Variants in MDGA2 observed in about 807,000 individuals in gnomAD.
MDGA2 encodes MAM domain containing glycosylphosphatidylinositol anchor 2.
A neutral mutation model predicts 117.8 loss-of-function variants in MDGA2; 40 were observed. The observed-to-expected ratio is 0.34, with a 90% confidence interval of 0.26 to 0.44. MDGA2 has a LOEUF of 0.44. Ranked by LOEUF, MDGA2 falls within the 20% of genes least tolerant of loss-of-function variation. The probability of loss-of-function intolerance (pLI) is 1.00; values close to 1 mark genes in which losing one functional copy is unlikely to be tolerated. For synonymous variants in MDGA2, 452 were observed against 439.0 expected (o/e 1.03, Z -0.37); for missense variants, 1,123 against 1,250.6 (o/e 0.90, Z 1.54).
chr14:46,982,151 T>G (rs1423664175), intron 8 of MDGA2, among the ~76,000 whole-genome samples: 1 of 152,144 alleles, frequency 6.6e-6, no homozygotes, highest in Non-Finnish European at 1.5e-5. Context: ...TTTTCCTCAG[T>G]GTTTCAGCTA....
At chr14:46,938,811 C>T (rs1220191401) in intron 9 of MDGA2, among the ~76,000 whole-genome samples, 4 of 152,032 alleles carry the variant, frequency 2.6e-5, no homozygotes, top group South Asian at 4.1e-4. Flanking sequence ...TACTTACACT[C>T]GCATATTTAT....
Position 47,313,280 on chromosome 14 carries a change from C to T in MDGA2, c.281-11730G>A, listed in dbSNP as rs940636612. On this transcript the variant is annotated intron_variant, in intron 1 of 16. Coordinates refer to ENST00000399232, the MANE Select transcript of MDGA2 (RefSeq NM_001113498.3). ...CAAAATGTACTTTCTTTTTATTTTA[C>T]TTTTTAAAATAAGGTAAGGTCTGGC... Among the ~76,000 whole-genome samples the T allele has an allele frequency of 2.0e-5, 3 of 151,980 alleles. No homozygotes were observed. In the East Asian group the frequency reaches 5.8e-4, roughly 30 times the overall value.
intron 8 of MDGA2, among the ~76,000 whole-genome samples, chr14:47,026,845 C>T (rs1348422670): frequency 6.6e-6 from 1 of 151,786 alleles, no homozygotes; most frequent in East Asian, 1.9e-4. Flanking sequence ...AGAAAAAAGC[C>T]CCCAGGAACA....
At chr14:47,031,229 T>TAC (rs35380035) in intron 8 of MDGA2, among the ~76,000 whole-genome samples, 23 of 148,686 alleles carry the variant, frequency 1.5e-4, no homozygotes, top group South Asian at 6.4e-4. Context: ...TATATATATA[T>TAC]ACACACACAC....
chr14:47,515,443 C>CT (rs780826340), intron 1 of MDGA2, among the ~76,000 whole-genome samples: 14 of 152,162 alleles, frequency 9.2e-5, no homozygotes, highest in Non-Finnish European at 4.4e-5. Flanking sequence ...AGAATGTCTG[C>CT]TATCTTTGTA....
chr14:47,599,613 A>C (rs1339806078), intron 1 of MDGA2, among the ~76,000 whole-genome samples: 1 of 152,166 alleles, frequency 6.6e-6, no homozygotes, highest in African/African-American at 2.4e-5. Context: ...TTTCCTGCAT[A>C]CATTTTGCGA....
intron 1 of MDGA2, among the ~76,000 whole-genome samples, chr14:47,464,464 T>C (rs1893558458): frequency 6.6e-6 from 1 of 152,060 alleles, no homozygotes; most frequent in African/African-American, 2.4e-5. Context: ...AAAAGCTCCT[T>C]TGGCTGAAAA....
At chr14:47,203,355 T>C (rs1885577258) in intron 3 of MDGA2, among the ~76,000 whole-genome samples, 1 of 151,822 alleles carries the variant, frequency 6.6e-6, no homozygotes. Context: ...GAAAGAGATT[T>C]GTTTTGTGGT....
At chr14:47,238,099 GTC>G (rs1886923682) in intron 2 of MDGA2, among the ~76,000 whole-genome samples, 1 of 152,108 alleles carries the variant, frequency 6.6e-6, no homozygotes, top group Admixed American at 6.6e-5. Flanking sequence ...ACTCTTTGCT[GTC>G]TCTCTTCTTT....
At chr14:47,389,739 A>AG (rs1190645491) in intron 1 of MDGA2, among the ~76,000 whole-genome samples, 1 of 152,060 alleles carries the variant, frequency 6.6e-6, no homozygotes, top group South Asian at 2.1e-4. Context: ...GGGTGAAAAA[A>AG]GGGGGGAGGG....
At chr14:47,051,454 C>G (rs1889454614) in intron 7 of MDGA2, among the ~76,000 whole-genome samples, 1 of 151,872 alleles carries the variant, frequency 6.6e-6, no homozygotes. Flanking sequence ...AAATTTTTCT[C>G]ATCCCTTTTC....
At chr14:47,118,895 G>A (rs1881474308) in intron 5 of MDGA2, among the ~76,000 whole-genome samples, 1 of 151,834 alleles carries the variant, frequency 6.6e-6, no homozygotes, top group Admixed American at 6.6e-5. Context: ...CACCATACCT[G>A]GATAATATTT....
Position 47,534,508 on chromosome 14 carries a change from T to C in MDGA2, c.280+140009A>G, listed in dbSNP as rs145341931. 1.6e-3 allele frequency among the ~76,000 whole-genome samples: 247 copies of C among 152,256 alleles called. 1 individual carries two copies. The highest frequency in any genetic ancestry group is 2.8e-3 in the Non-Finnish European group (193 of 68,014). On this transcript the variant is annotated intron_variant, in intron 1 of 16. Transcript: ENST00000399232. ...GAAGGGGAAGCAGGCATGTCTTACATAGCAGCAAGTGAGAGAGAGCCAGGA... is the reference window on the plus strand; with the variant it reads ...GAAGGGGAAGCAGGCATGTCTTACACAGCAGCAAGTGAGAGAGAGCCAGGA...
At chr14:47,008,334 A>G (rs1413185338) in intron 8 of MDGA2, among the ~76,000 whole-genome samples, 1 of 151,912 alleles carries the variant, frequency 6.6e-6, no homozygotes, top group African/African-American at 2.4e-5. Flanking sequence ...GTGTTGGCAG[A>G]ACAAGCCAAT....
intron 1 of MDGA2, among the ~76,000 whole-genome samples, chr14:47,345,005 G>A (rs924840497): frequency 3.9e-5 from 6 of 151,926 alleles, no homozygotes; most frequent in Non-Finnish European, 5.9e-5. Flanking sequence ...CATATTTGAT[G>A]TTAATATTTC....
At chr14:47,066,039 T>C (rs1322602049) in intron 6 of MDGA2, among the ~76,000 whole-genome samples, 1 of 152,186 alleles carries the variant, frequency 6.6e-6, no homozygotes, top group African/African-American at 2.4e-5. Context: ...GATGAAGTAT[T>C]TTCCTGACCC....
chr14:47,631,691 T>G (rs1027773414), intron 1 of MDGA2, among the ~76,000 whole-genome samples: 2 of 152,166 alleles, frequency 1.3e-5, no homozygotes. Flanking sequence ...AATTGTTTAT[T>G]TTCATTGCTG....
At chr14:47,278,445 T>A (rs1423286093) in intron 2 of MDGA2, among the ~76,000 whole-genome samples, 5 of 152,034 alleles carry the variant, frequency 3.3e-5, no homozygotes, top group Admixed American at 6.6e-5. Context: ...CTAGAGGTCC[T>A]CTGTGTTTTC....
chr14:46,941,471 T>C (rs2138582059), intron 9 of MDGA2, among the ~76,000 whole-genome samples: 1 of 152,302 alleles, frequency 6.6e-6, no homozygotes, highest in East Asian at 1.9e-4. Context: ...GTTTCAGGCA[T>C]GCCCTTGGAA....
Sources: gnomAD v4.1 joint callset for allele counts (sites outside exome capture counted in the v4.1 genomes callset) on GRCh38, gnomAD v4.1.1 for gene constraint, MANE v1.5 for transcripts, NCBI Gene and HGNC (gene_info 2026-07-23, HGNC 2026-07-21) for gene names.